The following CNTN5 variants were observed in gnomAD, a reference collection of about 807,000 sequenced individuals.
The protein encoded by CNTN5 is contactin 5, also known as contactin-5.
CNTN5 carries 77 observed loss-of-function variants against 129.1 expected under a neutral mutation model. The ratio of observed to expected loss-of-function variants is 0.60; its 90% CI spans 0.50 to 0.72. The LOEUF (loss-of-function observed/expected upper bound fraction) is 0.72. Among genes scored for constraint, CNTN5 ranks in the 30% least tolerant of loss-of-function variants. The pLI, the probability that CNTN5 is intolerant of heterozygous loss-of-function variation, is 0.00. For missense variants in CNTN5, 1,478 were observed against 1,328.8 expected, an observed-to-expected ratio of 1.11 and a Z score of -1.75; for synonymous variants, 509 against 465.6, an observed-to-expected ratio of 1.09 and a Z score of -1.20.
chr11:99,898,344 A>G (rs1949264562), intron 6 of CNTN5, among the ~76,000 whole-genome samples: 3 of 152,106 alleles, frequency 2.0e-5, no homozygotes, highest in Admixed American at 6.6e-5. Context: ...AAGAGAGAAG[A>G]TTCAAATAAG....
At chr11:99,081,489 G>T (rs928325345) in intron 1 of CNTN5, among the ~76,000 whole-genome samples, 1 of 151,972 alleles carries the variant, frequency 6.6e-6, no homozygotes, top group Non-Finnish European at 1.5e-5. Context: ...TGTAACTTAG[G>T]AGAAAAAATA....
chr11:99,856,683 A>T (rs1948045481), intron 6 of CNTN5, among the ~76,000 whole-genome samples: 1 of 152,146 alleles, frequency 6.6e-6, no homozygotes, highest in Admixed American at 6.5e-5. Context: ...AAACAATGAA[A>T]AATATTAGCT....
At chr11:99,331,135 A>T (rs1051623872) in intron 2 of CNTN5, among the ~76,000 whole-genome samples, 2 of 152,118 alleles carry the variant, frequency 1.3e-5, no homozygotes, top group Admixed American at 6.6e-5. Flanking sequence ...AAGTTAATTT[A>T]GCAAAATTAA....
At chr11:99,647,312 A>C (rs1275715973) in intron 3 of CNTN5, among the ~76,000 whole-genome samples, 1 of 152,028 alleles carries the variant, frequency 6.6e-6, no homozygotes, top group African/African-American at 2.4e-5. Context: ...TTCCCCCGTG[A>C]AAGTTCTTGG....
At chr11:99,873,145 T>C (rs1179278361) in intron 6 of CNTN5, among the ~76,000 whole-genome samples, 1 of 152,044 alleles carries the variant, frequency 6.6e-6, no homozygotes, top group Admixed American at 6.6e-5. Flanking sequence ...CTGTGCCACA[T>C]CCCAATCTCA....
At chr11:99,380,793 A>AAAGG (rs1940505664) in intron 2 of CNTN5, among the ~76,000 whole-genome samples, 1 of 149,838 alleles carries the variant, frequency 6.7e-6, no homozygotes, top group Non-Finnish European at 1.5e-5. Context: ...AAAAGAAAAG[A>AAAGG]AAAAAGAAAA....
At chr11:100,189,194 A>G (rs927196745) in intron 13 of CNTN5, among the ~76,000 whole-genome samples, 6 of 151,914 alleles carry the variant, frequency 3.9e-5, no homozygotes, top group African/African-American at 1.5e-4. Flanking sequence ...ATACCCACCC[A>G]GGTAACAAAC....
chr11:99,822,405 A>G (rs1946829736), intron 4 of CNTN5, among the ~76,000 whole-genome samples: 2 of 152,228 alleles, frequency 1.3e-5, no homozygotes, highest in Non-Finnish European at 1.5e-5. Flanking sequence ...ATGGAGAACT[A>G]AAACTGTTAA....
chr11:100,236,654 T>C (rs768434418), intron 16 of CNTN5, among the ~76,000 whole-genome samples: 1 of 152,078 alleles, frequency 6.6e-6, no homozygotes, highest in Non-Finnish European at 1.5e-5. Flanking sequence ...CTCCACTAGC[T>C]GACATGCTCC....
intron 3 of CNTN5, among the ~76,000 whole-genome samples, chr11:99,634,811 G>A (rs1951491382): frequency 6.6e-6 from 1 of 152,150 alleles, no homozygotes; most frequent in African/African-American, 2.4e-5. Context: ...AACAGAAGTA[G>A]GCAAGATGAC....
intron 1 of CNTN5, among the ~76,000 whole-genome samples, chr11:99,258,769 G>A (rs1279577595): frequency 6.6e-6 from 1 of 151,768 alleles, no homozygotes; most frequent in Admixed American, 6.6e-5. Context: ...AATTATTAGG[G>A]GTTGAATGTA....
intron 9 of CNTN5, among the ~76,000 whole-genome samples, chr11:100,017,368 A>C (rs1009604698): frequency 6.6e-6 from 1 of 151,940 alleles, no homozygotes; most frequent in Non-Finnish European, 1.5e-5. Flanking sequence ...CTTTTTTTGC[A>C]TTTTAATATC....
chr11:99,463,688 C>T (rs1053794432), intron 2 of CNTN5, among the ~76,000 whole-genome samples: 1 of 152,082 alleles, frequency 6.6e-6, no homozygotes, highest in African/African-American at 2.4e-5. Context: ...ATTATAGATT[C>T]CTTTGCATGA....
intron 9 of CNTN5, among the ~76,000 whole-genome samples, chr11:100,046,799 T>C (rs944154595): frequency 2.0e-5 from 3 of 152,180 alleles, no homozygotes; most frequent in Admixed American, 1.3e-4. Flanking sequence ...GAATAAAATA[T>C]ATGGAACAGT....
At chr11:99,697,430 C>T (rs186314766) in intron 3 of CNTN5, among the ~76,000 whole-genome samples, 26 of 151,588 alleles carry the variant, frequency 1.7e-4, no homozygotes, top group African/African-American at 6.3e-4. Context: ...AGAATGGCAC[C>T]TTAACTCCCA....
chr11:99,258,403 T>A (rs572942464), intron 1 of CNTN5, among the ~76,000 whole-genome samples: 33 of 152,180 alleles, frequency 2.2e-4, no homozygotes, highest in African/African-American at 7.7e-4. Flanking sequence ...TATATTTGGT[T>A]TTCTGTCCCT....
intron 3 of CNTN5, among the ~76,000 whole-genome samples, chr11:99,694,470 T>C (rs1954175646): frequency 6.6e-6 from 1 of 152,166 alleles, no homozygotes; most frequent in Admixed American, 6.6e-5. Flanking sequence ...AGTCTTCAAG[T>C]AAGTGAGTAA....
intron 2 of CNTN5, among the ~76,000 whole-genome samples, chr11:99,486,632 G>A (rs966841978): frequency 1.4e-4 from 21 of 152,124 alleles, no homozygotes; most frequent in African/African-American, 5.1e-4. Context: ...AAAGAACTCA[G>A]TGAAAATAAA....
At chr11:99,566,867 A>G (rs1949022349) in intron 3 of CNTN5, among the ~76,000 whole-genome samples, 1 of 152,162 alleles carries the variant, frequency 6.6e-6, no homozygotes, top group South Asian at 2.1e-4. Context: ...TTTTTGAAAA[A>G]GCATTCATTT....
Sources: gnomAD v4.1 joint callset for allele counts (sites outside exome capture counted in the v4.1 genomes callset) on GRCh38, gnomAD v4.1.1 for gene constraint, MANE v1.5 for transcripts, NCBI Gene and HGNC (gene_info 2026-07-23, HGNC 2026-07-21) for gene names.